WWOX: variants seen among roughly 807,000 people sequenced by gnomAD.
The protein encoded by WWOX is WW domain-containing oxidoreductase.
Under a neutral mutation model 46.2 loss-of-function variants are expected in WWOX, and 69 were observed. The observed-to-expected ratio is 1.49, with a 90% CI of 1.23 to 1.82. WWOX has a LOEUF of 1.82. WWOX is among the 40% of genes most tolerant of loss of function. The pLI is 0.00. For missense variants in WWOX, 919 were observed against 542.6 expected, an observed-to-expected ratio of 1.69 and a Z score of -6.89; for synonymous variants, 359 against 202.6, an observed-to-expected ratio of 1.77 and a Z score of -6.56.
chr16:78,634,298 T>G (rs148925368), intron 8 of WWOX, among the ~76,000 whole-genome samples: 31 of 152,248 alleles, frequency 2.0e-4, no homozygotes, highest in Non-Finnish European at 3.8e-4. Flanking sequence ...AATGTCCAAG[T>G]GTGGAAATGA....
chr16:78,207,661 G>A (rs930090922), intron 5 of WWOX, among the ~76,000 whole-genome samples: 10 of 150,730 alleles, frequency 6.6e-5, no homozygotes, highest in South Asian at 2.1e-4. Flanking sequence ...TGCTATATCC[G>A]GTAACAGGAT....
intron 4 of WWOX, among the ~76,000 whole-genome samples, chr16:78,117,086 G>T (rs530528066): frequency 2.3e-4 from 35 of 152,330 alleles, no homozygotes; most frequent in Admixed American, 1.8e-3. Context: ...GAATAAATTT[G>T]TGGTTGCTGA....
chr16:78,118,167 C>T (rs930691421), intron 4 of WWOX, among the ~76,000 whole-genome samples: 8 of 151,826 alleles, frequency 5.3e-5, no homozygotes, highest in South Asian at 4.2e-4. Flanking sequence ...TAGAGCCATG[C>T]CCCCTTTGAA....
intron 5 of WWOX, among the ~76,000 whole-genome samples, chr16:78,325,960 T>G (rs2080603243): frequency 6.6e-6 from 1 of 152,226 alleles, no homozygotes; most frequent in Non-Finnish European, 1.5e-5. Flanking sequence ...TACAACATCA[T>G]TTCATTTTCA....
rs9927342 is a variant in WWOX at position 79,200,321 on chromosome 16, C to T, written c.1057-11287C>T. ...CCAGGCAGGAAATAAGTATCCCGCT[C>T]TCAGATCTGAGGCCAGATTTTCAAG... is the stretch of plus-strand genomic sequence containing the variant. On this transcript the variant is annotated intron_variant, in intron 8 of 8. Coordinates refer to ENST00000566780, the MANE Select transcript of WWOX (RefSeq NM_016373.4). Among the ~76,000 whole-genome samples, 519 of 152,290 alleles carry T rather than the reference C, an allele frequency of 3.4e-3. 3 individuals are homozygous for T. The highest frequency in any genetic ancestry group is 0.012 in the African/African-American group (485 of 41,544).
At chr16:78,353,297 A>T (rs1490705066) in intron 5 of WWOX, among the ~76,000 whole-genome samples, 1 of 152,204 alleles carries the variant, frequency 6.6e-6, no homozygotes, top group South Asian at 2.1e-4. Flanking sequence ...ATTAAGGGAA[A>T]ATCAAGTAAA....
chr16:78,831,485 T>C (rs1232811299), intron 8 of WWOX, among the ~76,000 whole-genome samples: 2 of 152,180 alleles, frequency 1.3e-5, no homozygotes, highest in Non-Finnish European at 2.9e-5. Flanking sequence ...TCCTGTGGCT[T>C]TGAGTATACA....
At chr16:78,882,597 TCCCGAGTA>T (rs1567624010) in intron 8 of WWOX, among the ~76,000 whole-genome samples, 12 of 32,848 alleles carry the variant, frequency 3.7e-4, no homozygotes, top group African/African-American at 1.0e-3. Context: ...TCTCCTCGCC[TCCCGAGTA>T]GCCTCCCGAG....
intron 6 of WWOX, among the ~76,000 whole-genome samples, chr16:78,407,278 A>T (rs924047619): frequency 2.6e-5 from 4 of 152,150 alleles, no homozygotes; most frequent in African/African-American, 9.7e-5. Context: ...AGTATTTCCA[A>T]ATACTATGAA....
At position 78,894,649 on chromosome 16, in the gene WWOX, C is replaced by T. The variant is rs376459697; in HGVS notation, c.1057-316959C>T. Among the ~76,000 whole-genome samples the T allele has an allele frequency of 2.6e-4, 39 of 152,242 alleles. 1 individual carries two copies. The East Asian group carries it at 7.5e-3, about 29-fold the overall frequency. ...GAGCAAGGTGGTACTTATACCTACC[C>T]AGCCTGCTTGTGTGTGTCTCAAGGT... On this transcript the variant is annotated intron_variant, in intron 8 of 8. Coordinates refer to ENST00000566780, the MANE Select transcript of WWOX (RefSeq NM_016373.4).
intron 8 of WWOX, among the ~76,000 whole-genome samples, chr16:78,554,026 G>C (rs879423474): frequency 2.6e-5 from 4 of 152,098 alleles, no homozygotes; most frequent in Admixed American, 2.0e-4. Flanking sequence ...CCGTCAAGCA[G>C]GGAGGCAACA....
At chr16:78,940,353 A>C (rs552197234) in intron 8 of WWOX, among the ~76,000 whole-genome samples, 4 of 152,218 alleles carry the variant, frequency 2.6e-5, no homozygotes, top group South Asian at 4.1e-4. Flanking sequence ...TAAATATGCA[A>C]AACAGTGGTA....
At chr16:78,421,072 CATT>C (rs1256856750) in intron 6 of WWOX, among the ~76,000 whole-genome samples, 1 of 152,064 alleles carries the variant, frequency 6.6e-6, no homozygotes, top group Non-Finnish European at 1.5e-5. Flanking sequence ...GTTGACATGT[CATT>C]ATGGATTCTT....
At chr16:78,766,355 G>A (rs1417682206) in intron 8 of WWOX, among the ~76,000 whole-genome samples, 1 of 152,222 alleles carries the variant, frequency 6.6e-6, no homozygotes, top group Non-Finnish European at 1.5e-5. Context: ...AGCACTTGGA[G>A]AGGCTGAGGT....
chr16:78,803,588 C>T (rs1189022603), intron 8 of WWOX, among the ~76,000 whole-genome samples: 2 of 152,076 alleles, frequency 1.3e-5, no homozygotes, highest in Middle Eastern at 3.2e-3. Context: ...CTTAGAACCA[C>T]AGGCATATAC....
At chr16:78,424,125 T>TG (rs1418137304) in intron 6 of WWOX, among the ~76,000 whole-genome samples, 7 of 146,716 alleles carry the variant, frequency 4.8e-5, no homozygotes, top group East Asian at 2.0e-4. Context: ...TTTTTGTTTT[T>TG]TTTTTTTTTG....
At chr16:78,711,945 C>G (rs1299373640) in intron 8 of WWOX, among the ~76,000 whole-genome samples, 2 of 152,214 alleles carry the variant, frequency 1.3e-5, no homozygotes, top group African/African-American at 2.4e-5. Flanking sequence ...AAGAGCATCT[C>G]TTTCAGGAGC....
intron 5 of WWOX, among the ~76,000 whole-genome samples, chr16:78,253,055 A>G (rs920972911): frequency 6.6e-6 from 1 of 152,334 alleles, no homozygotes; most frequent in African/African-American, 2.4e-5. Flanking sequence ...TTAGATCGGA[A>G]CAATTGTTCA....
chr16:78,835,364 C>G (rs1382752629), intron 8 of WWOX, among the ~76,000 whole-genome samples: 1 of 152,164 alleles, frequency 6.6e-6, no homozygotes, highest in Admixed American at 6.5e-5. Context: ...TAAATCCACA[C>G]GTTGATAATG....
Sources: gnomAD v4.1 joint callset for allele counts (sites outside exome capture counted in the v4.1 genomes callset) on GRCh38, gnomAD v4.1.1 for gene constraint, MANE v1.5 for transcripts, NCBI Gene and HGNC (gene_info 2026-07-23, HGNC 2026-07-21) for gene names.